The following RIN2 variants were observed in gnomAD, a reference collection of about 807,000 sequenced individuals.
RIN2 encodes the protein Ras and Rab interactor 2.
Under a neutral mutation model 78.0 loss-of-function variants are expected in RIN2, and 36 were observed. That is an observed-to-expected ratio of 0.46 (90% CI 0.35 to 0.61). The LOEUF (loss-of-function observed/expected upper bound fraction) is 0.61, where lower values mean the gene tolerates loss of function less well. Among genes scored for constraint, RIN2 ranks in the 20% least tolerant of loss-of-function variants. RIN2 has a pLI of 0.00. For missense variants in RIN2, 1,087 were observed against 1,159.7 expected, an observed-to-expected ratio of 0.94 and a Z score of 0.91; for synonymous variants, 466 against 466.8, an observed-to-expected ratio of 1.00 and a Z score of 0.02.
intron 5 of RIN2, 140 bp from the exon 6 acceptor site, chr20:19,960,560 A>G: frequency 3.0e-6 from 2 of 674,586 alleles, no homozygotes; most frequent in East Asian, 2.7e-5. Context: ...ACCCCTTTCT[A>G]TGGCAGGAGA....
chr20:19,982,669 G>A (rs539763781), intron 9 of RIN2, among the ~76,000 whole-genome samples: 110 of 152,310 alleles, frequency 7.2e-4, no homozygotes, highest in African/African-American at 2.5e-3. Flanking sequence ...GGATGCCATT[G>A]TGCTGTGCCC....
At chr20:19,924,520 CCTTCGTTCCCGACCTCTTCATACCCCCT>C (rs1568616245) in intron 3 of RIN2, among the ~76,000 whole-genome samples, 4 of 51,116 alleles carry the variant, frequency 7.8e-5, no homozygotes, top group Admixed American at 2.1e-4. Flanking sequence ...CACACTCCCA[CCTTCGTTCCCGACCTCTTCATACCCCCT>C]CTTCATACCC....
intron 2 of RIN2, among the ~76,000 whole-genome samples, chr20:19,852,965 T>C (rs1293271885): frequency 3.3e-5 from 5 of 151,794 alleles, no homozygotes; most frequent in Admixed American, 1.3e-4. Flanking sequence ...ACATGTGCCA[T>C]GTTGGTGTGC....
rs775346433 is a variant in RIN2 at position 19,970,831 on chromosome 20, C to G, written c.537-7C>G. On this transcript the variant is annotated splice_polypyrimidine_tract_variant and splice_region_variant and intron_variant, in intron 7 of 12. Coordinates refer to ENST00000255006, the MANE Select transcript of RIN2 (RefSeq NM_018993.4). ...TACAAACATTCTCTCTTTTTCTGAA[C>G]AATCAGGGATGTTCTACCATTTACC... 6.2e-7 allele frequency: 1 copy of G among 1,602,156 alleles called. No homozygotes were observed. The highest frequency in any genetic ancestry group is 1.1e-5 in the South Asian group (1 of 90,236).
rs949930598 is a variant in RIN2 at position 19,867,911 on chromosome 20, C to T, written c.-36-21655C>T. On this transcript the variant is annotated intron_variant, in intron 2 of 12. Transcript: ENST00000255006. The stretch of plus-strand genomic sequence containing the variant: ...ATGCTGTGCAGCTGGGTGAGCCGGC[C>T]TGCTCTCTGAACTGCAAGGCGTTTT... Among the ~76,000 whole-genome samples the T allele has an allele frequency of 2.0e-5, 3 of 152,240 alleles. 1 individual carries two copies. The highest frequency in any genetic ancestry group is 7.2e-5 in the African/African-American group (3 of 41,470).
chr20:19,917,108 T>TG (rs1399553248), intron 3 of RIN2, among the ~76,000 whole-genome samples: 3 of 127,546 alleles, frequency 2.4e-5, no homozygotes, highest in Non-Finnish European at 5.4e-5. Flanking sequence ...ATTTAAAAAA[T>TG]TTAAAAAAAA....
At chr20:19,839,518 G>T (rs1010706840) in intron 2 of RIN2, among the ~76,000 whole-genome samples, 2 of 152,196 alleles carry the variant, frequency 1.3e-5, no homozygotes, top group African/African-American at 4.8e-5. Context: ...CTGGGTCCCT[G>T]GCTTAATGCT....
At chr20:19,976,040 G>A (rs981019464) in intron 9 of RIN2, among the ~76,000 whole-genome samples, 1 of 152,156 alleles carries the variant, frequency 6.6e-6, no homozygotes, top group African/African-American at 2.4e-5. Flanking sequence ...GTCCTCTGTG[G>A]GTCCAGCTGC....
At chr20:19,984,734 T>C (rs2042573070) in intron 9 of RIN2, among the ~76,000 whole-genome samples, 1 of 152,128 alleles carries the variant, frequency 6.6e-6, no homozygotes, top group Non-Finnish European at 1.5e-5. Flanking sequence ...GCCACTGCAC[T>C]CCAGCCTGGG....
At chr20:19,927,105 T>C (rs1027725880) in intron 3 of RIN2, among the ~76,000 whole-genome samples, 2 of 152,242 alleles carry the variant, frequency 1.3e-5, no homozygotes, top group African/African-American at 2.4e-5. Context: ...CCGCGGACAT[T>C]GTTTCTTTGT....
At chr20:19,912,648 T>G (rs908357818) in intron 3 of RIN2, among the ~76,000 whole-genome samples, 2 of 151,838 alleles carry the variant, frequency 1.3e-5, no homozygotes, top group African/African-American at 4.8e-5. Context: ...CCAGCTAATT[T>G]TTGTATTTTT....
At chr20:19,921,022 A>C (rs542515088) in intron 3 of RIN2, among the ~76,000 whole-genome samples, 15 of 149,178 alleles carry the variant, frequency 1.0e-4, no homozygotes, top group Non-Finnish European at 1.6e-4. Flanking sequence ...TTTTTTAATA[A>C]AAACAACTCT....
At chr20:19,882,665 TTAC>T (rs2038060071) in intron 2 of RIN2, among the ~76,000 whole-genome samples, 1 of 152,214 alleles carries the variant, frequency 6.6e-6, no homozygotes, top group African/African-American at 2.4e-5. Flanking sequence ...TTGCATGAAG[TTAC>T]TGCACACATA....
At chr20:19,897,071 A>T (rs1312829790) in intron 3 of RIN2, among the ~76,000 whole-genome samples, 1 of 152,086 alleles carries the variant, frequency 6.6e-6, no homozygotes, top group Non-Finnish European at 1.5e-5. Context: ...TGTATTTTAC[A>T]CTCAGCATGT....
At chr20:19,935,559 G>C in intron 4 of RIN2, 1 of 1,019,654 alleles carries the variant, frequency 9.8e-7, no homozygotes, top group Non-Finnish European at 1.2e-6. Flanking sequence ...GTCTCCAGAA[G>C]GCTTACAGGG....
chr20:19,897,199 G>A (rs2038772196), intron 3 of RIN2, among the ~76,000 whole-genome samples: 1 of 152,126 alleles, frequency 6.6e-6, no homozygotes, highest in Non-Finnish European at 1.5e-5. Context: ...TCCGCCTTCT[G>A]AGTTCAAGTG....
intron 3 of RIN2, among the ~76,000 whole-genome samples, chr20:19,912,547 C>T (rs1419296851): frequency 1.3e-4 from 17 of 127,306 alleles, no homozygotes; most frequent in African/African-American, 4.8e-4. Context: ...GCTGCGATTT[C>T]GGCTCACTGC....
At chr20:19,921,637 G>A (rs950433098) in intron 3 of RIN2, among the ~76,000 whole-genome samples, 5 of 152,170 alleles carry the variant, frequency 3.3e-5, no homozygotes, top group Middle Eastern at 3.2e-3. Flanking sequence ...AGAACCCACC[G>A]AGCGGCGCCA....
At chr20:19,771,962 C>T (rs913040906) in intron 1 of RIN2, among the ~76,000 whole-genome samples, 54 of 152,166 alleles carry the variant, frequency 3.5e-4, no homozygotes, top group African/African-American at 1.3e-3. Flanking sequence ...ATCTGCAGAA[C>T]TTCCATGACT....
Sources: allele counts gnomAD v4.1 joint callset (sites outside exome capture counted in the v4.1 genomes callset), GRCh38; gene constraint gnomAD v4.1.1; transcripts MANE v1.5; gene names NCBI Gene and HGNC (gene_info 2026-07-23, HGNC 2026-07-21).